MSH3: variants seen among roughly 807,000 people sequenced by gnomAD.
The protein encoded by MSH3 is DNA mismatch repair protein Msh3.
Under a neutral mutation model 123.3 loss-of-function variants are expected in MSH3, and 106 were observed. That is an observed-to-expected ratio of 0.86 (90% CI 0.73 to 1.01). The LOEUF is 1.01. Ranked by LOEUF, MSH3 falls within the 50% of genes least tolerant of loss-of-function variation. The pLI, the probability that MSH3 is intolerant of heterozygous loss-of-function variation, is 0.00. For synonymous variants in MSH3, 515 were observed against 481.4 expected (o/e 1.07, Z -0.91); for missense variants, 1,459 against 1,347.6 (o/e 1.08, Z -1.29).
intron 20 of MSH3, among the ~76,000 whole-genome samples, chr5:80,819,821 T>C (rs1307730562): frequency 6.6e-6 from 1 of 152,164 alleles, no homozygotes. Context: ...TAGTGCACTG[T>C]AGTTTTATGC....
intron 22 of MSH3, among the ~76,000 whole-genome samples, chr5:80,867,832 G>T (rs1746132183): frequency 6.6e-6 from 1 of 152,130 alleles, no homozygotes; most frequent in African/African-American, 2.4e-5. Flanking sequence ...ACCTTTGTCA[G>T]ATGCATAGTT....
In MSH3 at chr5:80,769,232, G is replaced by A. The variant is rs145377134; in HGVS notation, c.2253+229G>A. 1.4e-4 allele frequency among the ~76,000 whole-genome samples: 21 copies of A among 152,054 alleles called. No homozygotes were observed. In the South Asian group the frequency reaches 3.5e-3, roughly 26 times the overall value. On this transcript the variant is annotated intron_variant, in intron 15 of 23. Transcript: ENST00000265081. ...AACTTAATGTTATATGTATATTAGC[G>A]TTATCTGTTGAAATTATATTATAGA... is the stretch of plus-strand genomic sequence containing the variant.
intron 2 of MSH3, among the ~76,000 whole-genome samples, chr5:80,662,330 G>C (rs1749454147): frequency 6.6e-6 from 1 of 152,068 alleles, no homozygotes; most frequent in African/African-American, 2.4e-5. Context: ...ATCACCTAAT[G>C]ACACATTCTT....
At chr5:80,655,283 C>T (rs901994380) in intron 1 of MSH3, 8 of 271,296 alleles carry the variant, frequency 2.9e-5, no homozygotes, top group Non-Finnish European at 5.5e-5. Context: ...TAACCTCCAT[C>T]CTTTTTTTTT....
At chr5:80,679,894 A>T (rs567837457) in intron 8 of MSH3, among the ~76,000 whole-genome samples, 37 of 152,264 alleles carry the variant, frequency 2.4e-4, no homozygotes, top group South Asian at 8.3e-4. Context: ...AGTAGACTGT[A>T]TATTGACGAA....
chr5:80,762,757 T>G (rs1426757891), intron 13 of MSH3, among the ~76,000 whole-genome samples: 1 of 149,286 alleles, frequency 6.7e-6, no homozygotes, highest in Non-Finnish European at 1.5e-5. Flanking sequence ...TTTATTTTGT[T>G]TTATTTTATT....
At chr5:80,704,875 A>G (rs1215025251) in intron 8 of MSH3, among the ~76,000 whole-genome samples, 1 of 152,144 alleles carries the variant, frequency 6.6e-6, no homozygotes, top group Non-Finnish European at 1.5e-5. Flanking sequence ...CTCCAGCTAC[A>G]TCAGAGTAAT....
At chr5:80,716,583 T>A (rs1750966289) in intron 8 of MSH3, among the ~76,000 whole-genome samples, 1 of 152,112 alleles carries the variant, frequency 6.6e-6, no homozygotes, top group African/African-American at 2.4e-5. Flanking sequence ...GAGAAACTTA[T>A]ATTTTTTTAC....
chr5:80,748,285 T>G (rs1684586309), intron 12 of MSH3, among the ~76,000 whole-genome samples: 2 of 152,196 alleles, frequency 1.3e-5, no homozygotes, highest in Admixed American at 6.5e-5. Context: ...GCATTCAAGT[T>G]TCAGAAGACT....
rs375182684 is a variant in MSH3, at chr5:80,789,645, A to G, written c.2543+1973A>G. On this transcript the variant is annotated intron_variant, in intron 18 of 23. Transcript: ENST00000265081. Reference sequence around the variant, plus strand: ...CTTGGCCTTCCAAAGTGCTGGAATTATAGACGTGAGCCATAGCGCCTGTCC... The same window carrying G: ...CTTGGCCTTCCAAAGTGCTGGAATTGTAGACGTGAGCCATAGCGCCTGTCC... 3.2e-3 allele frequency among the ~76,000 whole-genome samples: 480 copies of G among 152,362 alleles called. 5 individuals are homozygous for G. The highest frequency in any genetic ancestry group is 7.4e-3 in the African/African-American group (306 of 41,590).
Position 80,665,126 on chromosome 5 carries a change from C to G in MSH3, c.359-17C>G, listed in dbSNP as rs761027175. ...AAAATTACTATTGTTCTGTTTTCTTCTTATTTGCTGCCTAAGAGCCAAAGA... is the reference window on the plus strand; with the variant it reads ...AAAATTACTATTGTTCTGTTTTCTTGTTATTTGCTGCCTAAGAGCCAAAGA... On this transcript the variant is annotated splice_polypyrimidine_tract_variant and intron_variant, in intron 2 of 23. Coordinates refer to ENST00000265081, the MANE Select transcript of MSH3 (RefSeq NM_002439.5). 2.1e-5 allele frequency: 34 copies of G among 1,603,486 alleles called. No individual in the cohort carries two copies. The highest frequency in any genetic ancestry group is 2.9e-5 in the Non-Finnish European group (34 of 1,171,156).
At chr5:80,672,997 G>C in intron 6 of MSH3, 139 bp downstream of exon 6, 2 of 731,800 alleles carry the variant, frequency 2.7e-6, no homozygotes, top group Non-Finnish European at 4.9e-6. Flanking sequence ...GTGAACCCTT[G>C]ATTAGGTGTG....
In MSH3 at chr5:80,744,538, G is replaced by A. The variant is rs1395288001; in HGVS notation, c.1686G>A (p.Trp562Ter). 1 of 1,613,762 alleles carries A rather than the reference G, an allele frequency of 6.2e-7. No homozygotes were observed. The highest frequency in any genetic ancestry group is 1.7e-5 in the Admixed American group (1 of 60,008). The part of the protein sequence containing the change: ...TDMKTKGSLL[W>*]VLDHTKTSFG... ...TGAAAACCAAAGGAAGTTTGCTGTGGGTTTTAGACCACACTAAAACTTCAT... is the reference window on the plus strand; with the variant it reads ...TGAAAACCAAAGGAAGTTTGCTGTGAGTTTTAGACCACACTAAAACTTCAT... Residue 562 changes from tryptophan (W) to a stop codon, truncating the protein, a stop_gained, in exon 12 of 24, where the codon TGG becomes TGA. Transcript: ENST00000265081. LOFTEE classifies it high-confidence loss of function.
At chr5:80,720,077 TA>T (rs1751049375) in intron 8 of MSH3, among the ~76,000 whole-genome samples, 1 of 152,214 alleles carries the variant, frequency 6.6e-6, no homozygotes, top group African/African-American at 2.4e-5. Context: ...TGGCTAAGCT[TA>T]AAATTCCTGG....
At chr5:80,676,232 C>T (rs1430041086) in intron 7 of MSH3, among the ~76,000 whole-genome samples, 1 of 152,044 alleles carries the variant, frequency 6.6e-6, no homozygotes, top group East Asian at 1.9e-4. Context: ...GGTTTCACCA[C>T]GTTGGACAGG....
chr5:80,850,010 A>T (rs868286726), intron 20 of MSH3, among the ~76,000 whole-genome samples: 7 of 152,210 alleles, frequency 4.6e-5, no homozygotes, highest in Non-Finnish European at 1.0e-4. Flanking sequence ...TTTTCTGCTT[A>T]GAAATTTCTT....
chr5:80,711,812 A>G (rs1750864552), intron 8 of MSH3, among the ~76,000 whole-genome samples: 1 of 151,440 alleles, frequency 6.6e-6, no homozygotes, highest in Admixed American at 6.6e-5. Context: ...GCACCACCAT[A>G]CCCAGCTATT....
intron 20 of MSH3, among the ~76,000 whole-genome samples, chr5:80,851,128 G>A (rs1248963661): frequency 6.6e-6 from 1 of 151,884 alleles, no homozygotes; most frequent in Admixed American, 6.6e-5. Flanking sequence ...TTGGATATTT[G>A]ATTTTTTCCA....
chr5:80,748,725 CA>C lies in MSH3; in HGVS notation c.1763+4111del, dbSNP rs1561465041. Reference sequence around the variant, plus strand: ...ACACACACACACACACACACACACACACACACACCCATATGTATGTCATTGG... The same window carrying C: ...ACACACACACACACACACACACACACCACACACCCATATGTATGTCATTGG... On this transcript the variant is annotated intron_variant, in intron 12 of 23. Transcript: ENST00000265081. Among the ~76,000 whole-genome samples, 72 of 115,738 alleles carry C rather than the reference CA, an allele frequency of 6.2e-4. 1 individual carries two copies. In the South Asian group the frequency reaches 0.011, roughly 18 times the overall value. The allele number at this position is 115,738 out of a possible 152,430, so 75.9% of individuals were successfully genotyped here.
Sources: gnomAD v4.1 joint callset for allele counts (sites outside exome capture counted in the v4.1 genomes callset) on GRCh38, gnomAD v4.1.1 for gene constraint, MANE v1.5 for transcripts, NCBI Gene and HGNC (gene_info 2026-07-23, HGNC 2026-07-21) for gene names.